COL21A1: variants seen among roughly 807,000 people sequenced by gnomAD.
COL21A1 encodes collagen alpha-1(XXI) chain.
COL21A1 carries 149 observed loss-of-function variants against 137.9 expected under a neutral mutation model. The ratio of observed to expected loss-of-function variants is 1.08; its 90% CI spans 0.95 to 1.24. COL21A1 has a LOEUF of 1.24. Among genes scored for constraint, COL21A1 ranks in the 50% most tolerant of loss-of-function variants. COL21A1 has a pLI of 0.00. For missense variants in COL21A1, 1,167 were observed against 1,158.4 expected (o/e 1.01, Z -0.11); for synonymous variants, 456 against 391.5 (o/e 1.16, Z -1.95).
intron 1 of COL21A1, among the ~76,000 whole-genome samples, chr6:56,255,665 G>A (rs926186208): frequency 1.3e-5 from 2 of 152,174 alleles, no homozygotes; most frequent in African/African-American, 2.4e-5. Flanking sequence ...TTACAAGGAT[G>A]CCAAGTTATT....
chr6:56,306,758 G>C (rs1764470107), intron 1 of COL21A1, among the ~76,000 whole-genome samples: 1 of 68,278 alleles, frequency 1.5e-5, no homozygotes, highest in Admixed American at 2.2e-4. Context: ...ATCCAGCTTT[G>C]TTCCGTTGCT....
In COL21A1 at chr6:56,312,220, A is replaced by C. The variant is rs571931448; in HGVS notation, c.-39+81751T>G. Among the ~76,000 whole-genome samples, 4 of 152,298 alleles carry C rather than the reference A, an allele frequency of 2.6e-5. No homozygotes were observed. In the South Asian group the frequency reaches 8.3e-4, roughly 32 times the overall value. On this transcript the variant is annotated intron_variant, in intron 1 of 28. Transcript: ENST00000370819. Reference sequence around the variant, plus strand: ...GATCTAGCTGTACTATAAAAGATTTAAGTGGGTCAACAATGGAAGCCGATT... The same window carrying C: ...GATCTAGCTGTACTATAAAAGATTTCAGTGGGTCAACAATGGAAGCCGATT...
chr6:56,280,666 A>C (rs559590744), intron 1 of COL21A1, among the ~76,000 whole-genome samples: 1 of 152,312 alleles, frequency 6.6e-6, no homozygotes, highest in South Asian at 2.1e-4. Context: ...TGTATGAAAG[A>C]GATTTATTCT....
intron 1 of COL21A1, among the ~76,000 whole-genome samples, chr6:56,389,234 C>T (rs898697065): frequency 1.3e-5 from 2 of 151,818 alleles, no homozygotes; most frequent in African/African-American, 4.8e-5. Flanking sequence ...TGGTGGCGTG[C>T]ACCTGTAGTC....
In COL21A1 at chr6:56,098,239, AT is replaced by A. The variant is rs1276388023; in HGVS notation, c.1812+3232del. ...TATAAATACATATATAAATATATAA[AT>A]ATATATAAATATATAAATACATATA... On this transcript the variant is annotated intron_variant, in intron 17 of 29. Coordinates refer to ENST00000244728, the MANE Select transcript of COL21A1 (RefSeq NM_030820.4). Among the ~76,000 whole-genome samples, 2 of 76,504 alleles carry A rather than the reference AT, an allele frequency of 2.6e-5. 1 individual carries two copies. Among genetic ancestry groups the A allele is most frequent in the Admixed American group, 5.1e-4 (2 of 3,948 alleles). 50.2% of individuals were successfully genotyped at this position (76,504 alleles called of 152,430 possible). A position where few individuals can be genotyped will look rare whatever the true frequency, so the allele number is the denominator to read the frequency against.
chr6:56,318,812 A>T (rs1034559664), intron 1 of COL21A1, among the ~76,000 whole-genome samples: 1 of 152,116 alleles, frequency 6.6e-6, no homozygotes, highest in African/African-American at 2.4e-5. Flanking sequence ...TATGTCTAGT[A>T]TTGAGCTCAC....
chr6:56,172,445 A>G (rs897376067), intron 3 of COL21A1, among the ~76,000 whole-genome samples: 5 of 152,164 alleles, frequency 3.3e-5, no homozygotes, highest in African/African-American at 1.2e-4. Context: ...TTCTTCAAAA[A>G]TGAAGGAGAA....
chr6:56,372,911 T>C (rs7769615), intron 1 of COL21A1, among the ~76,000 whole-genome samples: 19,044 of 152,186 alleles, frequency 0.13, 1,566 homozygotes, highest in African/African-American at 0.23. Context: ...CCTCCCAGTA[T>C]AAAAACTGAA....
intron 17 of COL21A1, among the ~76,000 whole-genome samples, chr6:56,085,751 A>G (rs1018350309): frequency 2.0e-5 from 3 of 152,034 alleles, no homozygotes; most frequent in Admixed American, 1.3e-4. Flanking sequence ...TTGATTTATC[A>G]GGAGCAGAAT....
intron 21 of COL21A1, 99 bp downstream of exon 21, chr6:56,070,646 T>A: frequency 2.8e-6 from 2 of 727,220 alleles, no homozygotes; most frequent in African/African-American, 3.7e-5. Context: ...CTTAACTTCA[T>A]GTATCTCTTC....
intron 1 of COL21A1, among the ~76,000 whole-genome samples, chr6:56,273,322 C>G (rs1763569525): frequency 6.6e-6 from 1 of 151,956 alleles, no homozygotes; most frequent in South Asian, 2.1e-4. Flanking sequence ...TTTGCACTTA[C>G]AAGAACTAGA....
At chr6:56,150,099 T>G (rs2152248270) in intron 10 of COL21A1, among the ~76,000 whole-genome samples, 1 of 152,238 alleles carries the variant, frequency 6.6e-6, no homozygotes, top group African/African-American at 2.4e-5. Flanking sequence ...GTTTCATCAG[T>G]CACGTAACTT....
intron 1 of COL21A1, among the ~76,000 whole-genome samples, chr6:56,283,869 C>CAA: frequency 1.2e-5 from 1 of 85,140 alleles, no homozygotes. Context: ...CACACTCACA[C>CAA]ACACACTCTC....
At chr6:56,214,940 A>G (rs1421838299) in intron 1 of COL21A1, among the ~76,000 whole-genome samples, 1 of 152,116 alleles carries the variant, frequency 6.6e-6, no homozygotes, top group Non-Finnish European at 1.5e-5. Flanking sequence ...GCAGGTTAAT[A>G]TATAGCTGAA....
At chr6:56,167,503 T>C (rs764611842) in intron 6 of COL21A1, among the ~76,000 whole-genome samples, 41 of 152,196 alleles carry the variant, frequency 2.7e-4, no homozygotes, top group South Asian at 8.3e-4. Flanking sequence ...TAAACACGTA[T>C]ATGAAAATGA....
At chr6:56,192,917 A>G (rs1238229726) in intron 1 of COL21A1, among the ~76,000 whole-genome samples, 1 of 152,208 alleles carries the variant, frequency 6.6e-6, no homozygotes, top group Non-Finnish European at 1.5e-5. Context: ...CAACCAACCC[A>G]AATGTCCATC....
At chr6:56,286,321 A>C (rs1353372879) in intron 1 of COL21A1, among the ~76,000 whole-genome samples, 1 of 152,216 alleles carries the variant, frequency 6.6e-6, no homozygotes, top group Non-Finnish European at 1.5e-5. Flanking sequence ...ATACAAACAC[A>C]TGTGAACACA....
chr6:56,058,223 T>G (rs1765497771), intron 29 of COL21A1, among the ~76,000 whole-genome samples: 1 of 152,186 alleles, frequency 6.6e-6, no homozygotes, highest in Non-Finnish European at 1.5e-5. Context: ...AAGCCAAAGC[T>G]GAGTCATTTT....
intron 1 of COL21A1, among the ~76,000 whole-genome samples, chr6:56,388,335 G>T (rs949633323): frequency 6.6e-6 from 1 of 152,200 alleles, no homozygotes; most frequent in Non-Finnish European, 1.5e-5. Flanking sequence ...ACCCAGCACA[G>T]TGCCAGCTGT....
Sources: allele counts gnomAD v4.1 joint callset (sites outside exome capture counted in the v4.1 genomes callset), GRCh38; gene constraint gnomAD v4.1.1; transcripts MANE v1.5; gene names NCBI Gene and HGNC (gene_info 2026-07-23, HGNC 2026-07-21).